Variants in NIN observed in about 807,000 individuals in gnomAD.
The protein encoded by NIN is ninein, also known as glycogen synthase kinase 3 beta-interacting protein.
A neutral mutation model predicts 257.6 loss-of-function variants in NIN; 137 were observed. That is an observed-to-expected ratio of 0.53 (90% CI 0.46 to 0.61). The LOEUF is 0.61. NIN is among the 20% of genes least tolerant of loss of function. The pLI is 0.00. For missense variants in NIN, 2,439 were observed against 2,501.2 expected (o/e 0.98, Z 0.53); for synonymous variants, 918 against 919.8 (o/e 1.00, Z 0.04).
At chr14:50,811,212 A>C (rs1183771135) in intron 3 of NIN, among the ~76,000 whole-genome samples, 4 of 147,806 alleles carry the variant, frequency 2.7e-5, no homozygotes, top group Non-Finnish European at 6.0e-5. Context: ...GGGTTCAAGC[A>C]ATTCTCCTGC....
intron 12 of NIN, among the ~76,000 whole-genome samples, chr14:50,767,398 T>C (rs1334995154): frequency 2.6e-5 from 4 of 152,268 alleles, no homozygotes; most frequent in Non-Finnish European, 4.4e-5. Context: ...TGTGTATCTA[T>C]TGGACAGCAT....
At chr14:50,815,110 C>G (rs1432368256) in intron 3 of NIN, among the ~76,000 whole-genome samples, 3 of 152,286 alleles carry the variant, frequency 2.0e-5, no homozygotes, top group Non-Finnish European at 4.4e-5. Flanking sequence ...AGACAACCTA[C>G]AGAATAGGAG....
intron 4 of NIN, among the ~76,000 whole-genome samples, chr14:50,797,994 C>T (rs933554991): frequency 1.3e-5 from 2 of 151,672 alleles, no homozygotes; most frequent in African/African-American, 2.4e-5. Flanking sequence ...GGGAGGGGAA[C>T]GTCTCAAGGA....
intron 18 of NIN, among the ~76,000 whole-genome samples, chr14:50,755,671 TTTTTTTTA>T (rs1485061456): frequency 5.9e-5 from 5 of 85,014 alleles, no homozygotes; most frequent in African/African-American, 1.4e-4. Flanking sequence ...TTTTTTTTTT[TTTTTTTTA>T]AAAGAGACAG....
In NIN at chr14:50,727,692, C is replaced by T. The variant is rs893551931; in HGVS notation, c.6079-1626G>A. ...GCCATCAATAGCAGCCCAGTTTTCACAGGTGCCCAATCCTTCTGTAGGAAT... is the reference window on the plus strand; with the variant it reads ...GCCATCAATAGCAGCCCAGTTTTCATAGGTGCCCAATCCTTCTGTAGGAAT... On this transcript the variant is annotated intron_variant, in intron 29 of 30. Coordinates refer to ENST00000530997, the MANE Select transcript of NIN (RefSeq NM_020921.4). The T allele has an allele frequency of 4.2e-6, 6 of 1,439,992 alleles. No individual in the cohort carries two copies. The Admixed American group carries it at 7.3e-5, about 18-fold the overall frequency. The allele number at this position is 1,439,992 out of a possible 1,614,324, so 89.2% of individuals were successfully genotyped here. A position where few individuals can be genotyped will look rare whatever the true frequency, so the allele number is the denominator to read the frequency against.
At chr14:50,752,323 T>C (rs1368254536) in intron 21 of NIN, among the ~76,000 whole-genome samples, 195 bp downstream of exon 21, 1 of 152,242 alleles carries the variant, frequency 6.6e-6, no homozygotes, top group East Asian at 1.9e-4. Context: ...GTGGCCCTGG[T>C]TATACACTAC....
rs183308124 is a variant in NIN, at chr14:50,814,566, C to G, written c.183+7308G>C. 2.6e-5 allele frequency among the ~76,000 whole-genome samples: 4 copies of G among 152,200 alleles called. No homozygotes were observed. In the East Asian group the frequency reaches 7.7e-4, roughly 29 times the overall value. Reference sequence around the variant, plus strand: ...ACGTGTTCATATGGTTAAAAAGTGGCAAGAGCTGAATAGCCAAGACAATCC... The same window carrying G: ...ACGTGTTCATATGGTTAAAAAGTGGGAAGAGCTGAATAGCCAAGACAATCC... On this transcript the variant is annotated intron_variant, in intron 3 of 30. Coordinates refer to ENST00000530997, the MANE Select transcript of NIN (RefSeq NM_020921.4).
intron 28 of NIN, among the ~76,000 whole-genome samples, chr14:50,733,756 T>C (rs1161611517): frequency 6.6e-6 from 1 of 152,156 alleles, no homozygotes; most frequent in Non-Finnish European, 1.5e-5. Flanking sequence ...TTCCTCAGAG[T>C]ATATAATTAT....
chr14:50,739,335 T>G lies in NIN; in HGVS notation c.5601A>C (p.Lys1867Asn). ...TCTCCCGGGAGTGCGTGAGTTCGGC[T>G]TTGGTGTTCTGTACCATGGTCTGGA... Reference protein sequence around the residue: ...ERLQTMVQNTKAELTHSREKV... With the variant: ...ERLQTMVQNTNAELTHSREKV... The change falls in exon 26 of 31, where the codon AAA becomes AAC. Residue 1867 changes from lysine to asparagine, a missense_variant. Physicochemically the swap from Lys to Asn is moderately conservative, Grantham distance 94 (BLOSUM62 0). Coordinates refer to ENST00000530997, the MANE Select transcript of NIN (RefSeq NM_020921.4). The G allele has an allele frequency of 6.2e-7, 1 of 1,614,216 alleles. No individual in the cohort carries two copies. Among genetic ancestry groups the G allele is most frequent in the Non-Finnish European group, 8.5e-7 (1 of 1,180,030 alleles).
intron 21 of NIN, 56 bp from the exon 22 acceptor site, chr14:50,748,161 C>T (rs2041634673): frequency 8.6e-7 from 1 of 1,169,158 alleles, no homozygotes; most frequent in Non-Finnish European, 1.3e-6. Flanking sequence ...GCTGGGGAAA[C>T]TTACCAGGTT....
chr14:50,792,616 G>A (rs1434383914), intron 5 of NIN, 96 bp downstream of exon 5: 16 of 1,317,372 alleles, frequency 1.2e-5, no homozygotes, highest in Non-Finnish European at 1.7e-5. Context: ...AGCCCACATC[G>A]TGCCATCAAC....
chr14:50,787,620 A>G (rs550504051), intron 5 of NIN, among the ~76,000 whole-genome samples: 11 of 152,330 alleles, frequency 7.2e-5, no homozygotes, highest in Middle Eastern at 3.4e-3. Flanking sequence ...TCCCATAAAA[A>G]AAGAAAAATC....
intron 13 of NIN, 98 bp from the exon 14 acceptor site, chr14:50,766,494 G>C: frequency 1.9e-6 from 2 of 1,038,066 alleles, no homozygotes; most frequent in Admixed American, 1.8e-5. Context: ...CCAGTCTCTT[G>C]AGTATGATAG....
chr14:50,805,279 A>T (rs989472926), intron 4 of NIN, among the ~76,000 whole-genome samples: 1 of 152,228 alleles, frequency 6.6e-6, no homozygotes, highest in Non-Finnish European at 1.5e-5. Flanking sequence ...ACCTTAAAAA[A>T]GTGAAAACAC....
rs778226021 is a variant in NIN at position 50,778,755 on chromosome 14, C to G, written c.475+10G>C. On this transcript the variant is annotated intron_variant, in intron 6 of 30. Transcript: ENST00000530997. Reference sequence around the variant, plus strand: ...CCTTCCAGGCACGTCCTGACACACTCGGCTCTTACCTTCCGCTTCATACTC... The same window carrying G: ...CCTTCCAGGCACGTCCTGACACACTGGGCTCTTACCTTCCGCTTCATACTC... 3.1e-6 allele frequency: 5 copies of G among 1,613,786 alleles called. No homozygotes were observed. The highest frequency in any genetic ancestry group is 4.2e-6 in the Non-Finnish European group (5 of 1,179,928).
chr14:50,758,355 T>G lies in NIN; in HGVS notation c.2675A>C (p.Gln892Pro). 6.2e-7 allele frequency: 1 copy of G among 1,614,258 alleles called. No individual in the cohort carries two copies. The highest frequency in any genetic ancestry group is 1.7e-5 in the Admixed American group (1 of 60,030). Reference protein sequence around the residue: ...REKTTSLVLTQEREMLEKTYK... With the variant: ...REKTTSLVLTPEREMLEKTYK... ...TGTTTTCTCCAGCATCTCTCTCTCC[T>G]GGGTCAGGACCAGAGAAGTTGTTTT... Residue 892 changes from glutamine (Q) to proline (P), a missense_variant, in exon 18 of 31, where the codon CAG becomes CCG. This residue lies in a region of NIN where 2,043 missense variants were observed against 2,050.2 expected (regional missense o/e 1.00). Transcript: ENST00000530997.
intron 4 of NIN, among the ~76,000 whole-genome samples, chr14:50,800,177 A>G (rs2044033639): frequency 6.6e-6 from 1 of 152,274 alleles, no homozygotes; most frequent in South Asian, 2.1e-4. Flanking sequence ...AATTTCCCAC[A>G]TAAGTATTCT....
intron 5 of NIN, among the ~76,000 whole-genome samples, chr14:50,781,093 C>T (rs764893183): frequency 6.6e-6 from 1 of 152,136 alleles, no homozygotes; most frequent in Non-Finnish European, 1.5e-5. Flanking sequence ...ACAGAGCAGA[C>T]AATTTAAATG....
Position 50,757,091 on chromosome 14 carries a change from C to T in NIN, c.3939G>A (p.Glu1313=). The change falls in exon 18 of 31, where the codon GAG becomes GAA. Residue 1313 remains glutamate (E), a synonymous_variant. Transcript: ENST00000530997. ...TFLSLEKSYD[E]VKIENEGLNV... ...TCAGCCCCTCATTTTCTATTTTGAC[C>T]TCATCGTAACTCTTTTCCAGGCTGA... The T allele has an allele frequency of 1.2e-6, 2 of 1,613,170 alleles. No homozygotes were observed. The highest frequency in any genetic ancestry group is 1.7e-6 in the Non-Finnish European group (2 of 1,179,696).
Sources: allele counts gnomAD v4.1 joint callset (sites outside exome capture counted in the v4.1 genomes callset), GRCh38; gene constraint gnomAD v4.1.1; regional missense constraint gnomAD v4.1.1; transcripts MANE v1.5; gene names NCBI Gene and HGNC (gene_info 2026-07-23, HGNC 2026-07-21).